NT5E: variants seen among roughly 807,000 people sequenced by gnomAD.
NT5E encodes 5'-nucleotidase ecto, also known as 5'-nucleotidase.
NT5E carries 53 observed loss-of-function variants against 55.1 expected under a neutral mutation model. The ratio of observed to expected loss-of-function variants is 0.96; its 90% CI spans 0.77 to 1.21. NT5E has a LOEUF of 1.21. Ranked by LOEUF, NT5E falls within the 50% of genes most tolerant of loss-of-function variation. The probability of loss-of-function intolerance (pLI) is 0.00; values close to 1 mark genes in which losing one functional copy is unlikely to be tolerated. For synonymous variants in NT5E, 270 were observed against 278.4 expected (o/e 0.97, Z 0.30); for missense variants, 683 against 724.3 (o/e 0.94, Z 0.65).
chr6:85,481,926 A>T (rs1045959512), intron 3 of NT5E, among the ~76,000 whole-genome samples: 3 of 152,248 alleles, frequency 2.0e-5, no homozygotes, highest in African/African-American at 4.8e-5. Context: ...AAGCTGTCAC[A>T]GTAACCTAGG....
intron 1 of NT5E, among the ~76,000 whole-genome samples, chr6:85,464,116 T>A (rs1307545740): frequency 6.6e-6 from 1 of 150,552 alleles, no homozygotes; most frequent in Non-Finnish European, 1.5e-5. Flanking sequence ...ATGCTAGGCT[T>A]TATGCAAATA....
Position 85,460,450 on chromosome 6 carries a change from A to G in NT5E, c.340-6610A>G, listed in dbSNP as rs544241151. On this transcript the variant is annotated intron_variant, in intron 1 of 8. Transcript: ENST00000257770. ...TCTATTTATTGGTTTTTTCACAACA[A>G]TAAAATATATCTTTAGCAAGTAACA... Among the ~76,000 whole-genome samples the G allele has an allele frequency of 1.5e-3, 224 of 152,368 alleles. 1 individual carries two copies. Among genetic ancestry groups the G allele is most frequent in the African/African-American group, 5.0e-3 (208 of 41,586 alleles).
intron 7 of NT5E, chr6:85,491,018 C>T (rs769580090): frequency 1.9e-6 from 1 of 527,378 alleles, no homozygotes; most frequent in East Asian, 5.5e-5. Context: ...CTCATCGTTG[C>T]CTGGAACCAT....
At chr6:85,477,842 G>A (rs535556938) in intron 3 of NT5E, among the ~76,000 whole-genome samples, 1 of 152,210 alleles carries the variant, frequency 6.6e-6, no homozygotes, top group Admixed American at 6.5e-5. Context: ...AGGTGTGGGT[G>A]GTAGCTTCAA....
Position 85,487,450 on chromosome 6 carries a change from T to C in NT5E, c.1065T>C (p.Phe355=). The change falls in exon 5 of 9, where the codon TTT becomes TTC. Residue 355 remains phenylalanine (F), a synonymous_variant. Coordinates refer to ENST00000257770, the MANE Select transcript of NT5E (RefSeq NM_002526.4). ...YLDGSSQSCR[F]RECNMGNLIC... ...ATGGCTCCTCTCAATCATGCCGCTT[T>C]AGAGAATGCAACATGGGCAACCTGA... The C allele has an allele frequency of 6.2e-7, 1 of 1,614,180 alleles. No individual in the cohort carries two copies. The highest frequency in any genetic ancestry group is 1.1e-5 in the South Asian group (1 of 91,092).
At chr6:85,473,640 TGTGCAAACACATACAA>T (rs1769367990) in intron 3 of NT5E, among the ~76,000 whole-genome samples, 1 of 152,210 alleles carries the variant, frequency 6.6e-6, no homozygotes, top group Non-Finnish European at 1.5e-5. Context: ...AGCACTTGTA[TGTGCAAACACATACAA>T]GTGAAAGAAA....
In NT5E at chr6:85,493,928, C is replaced by G. The variant is rs368609058; in HGVS notation, c.1649C>G (p.Thr550Arg). 1.8e-5 allele frequency: 29 copies of G among 1,613,954 alleles called. No individual in the cohort carries two copies. Among genetic ancestry groups the G allele is most frequent in the Non-Finnish European group, 2.5e-5 (29 of 1,179,962 alleles). ...GTTGAAGGTCGGATCAAGTTTTCCA[C>G]AGGAAGTCACTGCCATGGAAGCTTT... ...PAVEGRIKFS[T>R]GSHCHGSFSL... Residue 550 changes from threonine to arginine, a missense_variant, in exon 9 of 9, where the codon ACA (threonine) becomes AGA (arginine). Physicochemically the swap from Thr to Arg is moderately conservative, Grantham distance 71. Transcript: ENST00000257770.
chr6:85,477,419 T>C (rs966893103), intron 3 of NT5E, among the ~76,000 whole-genome samples: 1 of 152,196 alleles, frequency 6.6e-6, no homozygotes, highest in African/African-American at 2.4e-5. Flanking sequence ...AAACTTTTCA[T>C]GTATCTAAAG....
chr6:85,464,482 G>A lies in NT5E; in HGVS notation c.340-2578G>A, dbSNP rs184999298. ...AGGAGCGGACGGAGCCTGGGAGGGA[G>A]CTACCCCTGCCTTGTTTCCTCACAC... On this transcript the variant is annotated intron_variant, in intron 1 of 8. Transcript: ENST00000257770. Among the ~76,000 whole-genome samples, 191 of 152,212 alleles carry A rather than the reference G, an allele frequency of 1.3e-3. 1 individual carries two copies. The highest frequency in any genetic ancestry group is 4.2e-3 in the African/African-American group (176 of 41,524).
At chr6:85,478,188 T>C (rs895350804) in intron 3 of NT5E, among the ~76,000 whole-genome samples, 2 of 152,204 alleles carry the variant, frequency 1.3e-5, no homozygotes, top group Admixed American at 1.3e-4. Flanking sequence ...AGCCAGAGCC[T>C]TCTGGTTTGT....
At chr6:85,457,073 G>A (rs1461576896) in intron 1 of NT5E, among the ~76,000 whole-genome samples, 2 of 152,174 alleles carry the variant, frequency 1.3e-5, no homozygotes. Flanking sequence ...ATGATTATGA[G>A]GGTTCAAGCA....
chr6:85,484,934 C>A (rs1216757139), intron 3 of NT5E, among the ~76,000 whole-genome samples: 1 of 152,174 alleles, frequency 6.6e-6, no homozygotes, highest in Non-Finnish European at 1.5e-5. Context: ...CCACAGTGAA[C>A]CTGGAGGATA....
At chr6:85,488,985 T>A (rs1346767127) in intron 5 of NT5E, among the ~76,000 whole-genome samples, 6 of 151,854 alleles carry the variant, frequency 4.0e-5, no homozygotes, top group Non-Finnish European at 7.4e-5. Context: ...TAAGAATGGA[T>A]GTGATTCTCC....
chr6:85,484,546 T>C (rs1769610295), intron 3 of NT5E, among the ~76,000 whole-genome samples: 1 of 152,154 alleles, frequency 6.6e-6, no homozygotes, highest in Non-Finnish European at 1.5e-5. Context: ...GGAGTGTGCC[T>C]GCTGGTTGGC....
intron 7 of NT5E, among the ~76,000 whole-genome samples, chr6:85,490,868 G>A (rs1769767685): frequency 6.6e-6 from 1 of 152,188 alleles, no homozygotes; most frequent in African/African-American, 2.4e-5. Flanking sequence ...CAAAGCCCTG[G>A]CAATAAGCAG....
Position 85,494,040 on chromosome 6 carries a change from C to G in NT5E, c.*36C>G. 6.2e-7 allele frequency: 1 copy of G among 1,606,562 alleles called. No individual in the cohort carries two copies. The highest frequency in any genetic ancestry group is 8.5e-7 in the Non-Finnish European group (1 of 1,174,180). On this transcript the variant is annotated 3_prime_UTR_variant, in exon 9 of 9. Coordinates refer to ENST00000257770, the MANE Select transcript of NT5E (RefSeq NM_002526.4). ...TCCTTGCCTTTAATGTGTGAAACTG[C>G]ATTTTTTCAAGTGAGATTCAAATCT...
intron 1 of NT5E, among the ~76,000 whole-genome samples, chr6:85,455,475 G>A (rs983775074): frequency 1.3e-5 from 2 of 152,212 alleles, no homozygotes; most frequent in African/African-American, 4.8e-5. Flanking sequence ...GGAGGTTCCT[G>A]GAGGGTGCAC....
Position 85,467,086 on chromosome 6 carries a change from T to C in NT5E, c.366T>C (p.Asn122=). The C allele has an allele frequency of 1.2e-6, 2 of 1,614,108 alleles. No homozygotes were observed. The highest frequency in any genetic ancestry group is 1.1e-5 in the South Asian group (1 of 91,064). Residue 122 remains asparagine, a synonymous_variant, in exon 2 of 9, where the codon AAT becomes AAC. Coordinates refer to ENST00000257770, the MANE Select transcript of NT5E (RefSeq NM_002526.4). ...CACTGGGAAATCATGAATTTGATAA[T>C]GGTGTGGAAGGACTGATCGAGCCAC... The part of the protein sequence containing the change: ...AMALGNHEFD[N]GVEGLIEPLL...
At chr6:85,492,473 T>G (rs1202825191) in intron 8 of NT5E, among the ~76,000 whole-genome samples, 1 of 152,234 alleles carries the variant, frequency 6.6e-6, no homozygotes, top group Non-Finnish European at 1.5e-5. Context: ...TAAGTGAGTT[T>G]TGCATTAACA....
Sources: allele counts gnomAD v4.1 joint callset (sites outside exome capture counted in the v4.1 genomes callset), GRCh38; gene constraint gnomAD v4.1.1; transcripts MANE v1.5; gene names NCBI Gene and HGNC (gene_info 2026-07-23, HGNC 2026-07-21).